MAML3: variants seen among roughly 807,000 people sequenced by gnomAD.
The protein encoded by MAML3 is mastermind-like protein 3.
MAML3 carries 27 observed loss-of-function variants against 101.9 expected under a neutral mutation model. That is an observed-to-expected ratio of 0.27 (90% CI 0.20 to 0.37). The LOEUF is 0.37. MAML3 is among the 10% of genes least tolerant of loss of function. MAML3 has a pLI of 1.00. For missense variants in MAML3, 1,316 were observed against 1,444.9 expected, an observed-to-expected ratio of 0.91 and a Z score of 1.45; for synonymous variants, 501 against 555.9, an observed-to-expected ratio of 0.90 and a Z score of 1.39.
intron 1 of MAML3, among the ~76,000 whole-genome samples, chr4:140,009,996 T>C (rs1330827060): frequency 1.3e-5 from 2 of 152,238 alleles, no homozygotes; most frequent in African/African-American, 4.8e-5. Flanking sequence ...GTTTTCAACT[T>C]AGACTGTGTG....
chr4:140,036,947 C>T lies in MAML3; in HGVS notation c.468+115913G>A, dbSNP rs570222472. 3.9e-5 allele frequency among the ~76,000 whole-genome samples: 6 copies of T among 152,162 alleles called. No individual in the cohort carries two copies. In the South Asian group the frequency reaches 1.2e-3, roughly 32 times the overall value. ...GGTCAGTGCTCTGTGCTCTTCAGTC[C>T]CACTTTCCAATACTGAAACTTGCTT... On this transcript the variant is annotated intron_variant, in intron 1 of 4. Coordinates refer to ENST00000509479, the MANE Select transcript of MAML3 (RefSeq NM_018717.5).
chr4:140,067,726 CTTTTTTTTTTT>C (rs34853196), intron 1 of MAML3, among the ~76,000 whole-genome samples: 1 of 131,390 alleles, frequency 7.6e-6, no homozygotes, highest in Non-Finnish European at 1.6e-5. Context: ...CAATCTTAAT[CTTTTTTTTTTT>C]TTTTTTTTTG....
intron 1 of MAML3, among the ~76,000 whole-genome samples, chr4:139,899,167 G>A (rs574977717): frequency 6.6e-6 from 1 of 152,128 alleles, no homozygotes; most frequent in East Asian, 1.9e-4. Context: ...TAATAATTCT[G>A]TTGGATTCTG....
At chr4:140,016,813 A>G (rs1343515264) in intron 1 of MAML3, among the ~76,000 whole-genome samples, 2 of 152,238 alleles carry the variant, frequency 1.3e-5, no homozygotes, top group African/African-American at 4.8e-5. Context: ...AAAGTATCTC[A>G]AAACGGATCA....
At chr4:140,074,570 A>T (rs957983725) in intron 1 of MAML3, among the ~76,000 whole-genome samples, 7 of 152,206 alleles carry the variant, frequency 4.6e-5, no homozygotes, top group Non-Finnish European at 1.0e-4. Flanking sequence ...AAATACAAGC[A>T]CACAACATGC....
chr4:139,757,633 G>T (rs1480514323), intron 2 of MAML3, among the ~76,000 whole-genome samples: 4 of 110,068 alleles, frequency 3.6e-5, no homozygotes, highest in African/African-American at 1.4e-4. Flanking sequence ...ACAGAGTGAG[G>T]CTCCATTTCA....
Position 139,931,653 on chromosome 4 carries a change from C to T in MAML3, c.469-40686G>A, listed in dbSNP as rs903838863. ...AAACTTCTGCCCCAGGCTCAACAAT[C>T]CTCCTGTGCAGTCTCCTTCCGTAAT... On this transcript the variant is annotated intron_variant, in intron 1 of 4. Transcript: ENST00000509479. 3.3e-5 allele frequency among the ~76,000 whole-genome samples: 5 copies of T among 152,068 alleles called. No homozygotes were observed. The East Asian group carries it at 9.6e-4, about 29-fold the overall frequency.
chr4:140,023,438 T>G (rs574927234), intron 1 of MAML3, among the ~76,000 whole-genome samples: 19 of 152,264 alleles, frequency 1.2e-4, no homozygotes, highest in African/African-American at 4.6e-4. Context: ...AGAAGCGACT[T>G]CCATCACCCA....
chr4:139,785,162 C>T lies in MAML3; in HGVS notation c.2080-54495G>A, dbSNP rs951438088. On this transcript the variant is annotated intron_variant, in intron 2 of 4. Transcript: ENST00000509479. The surrounding 1 kb of genome is among the most constrained non-coding windows in gnomAD (Gnocchi z 4.3). The stretch of plus-strand genomic sequence containing the variant: ...GGCCGATACCTGGATTCCTAACTGA[C>T]AGACACCCAGCCACATGGCTCCTGG... Among the ~76,000 whole-genome samples the T allele has an allele frequency of 6.6e-6, 1 of 152,236 alleles. No homozygotes were observed. Among genetic ancestry groups the T allele is most frequent in the Non-Finnish European group, 1.5e-5 (1 of 68,048 alleles).
chr4:139,987,327 C>A (rs926487412), intron 1 of MAML3, among the ~76,000 whole-genome samples: 2 of 152,164 alleles, frequency 1.3e-5, no homozygotes, highest in Non-Finnish European at 2.9e-5. Context: ...TGGGCAGAGG[C>A]CATGGTAAGG....
At chr4:139,892,809 T>TA (rs1345451153) in intron 1 of MAML3, among the ~76,000 whole-genome samples, 1 of 151,802 alleles carries the variant, frequency 6.6e-6, no homozygotes, top group Non-Finnish European at 1.5e-5. Flanking sequence ...CGGGCGCCTT[T>TA]AGTCCCAGCT....
chr4:139,828,506 T>C (rs772187562), intron 2 of MAML3, among the ~76,000 whole-genome samples: 1 of 152,198 alleles, frequency 6.6e-6, no homozygotes, highest in East Asian at 1.9e-4. Flanking sequence ...ACTAAAAGAC[T>C]AGGCATTGTC....
At chr4:139,745,533 C>T (rs1729292678) in intron 2 of MAML3, among the ~76,000 whole-genome samples, 1 of 152,108 alleles carries the variant, frequency 6.6e-6, no homozygotes, top group Admixed American at 6.5e-5. Context: ...CAGGCATATT[C>T]CTGCAAGAAT....
intron 2 of MAML3, among the ~76,000 whole-genome samples, chr4:139,879,037 A>G (rs1404142330): frequency 6.6e-6 from 1 of 152,142 alleles, no homozygotes; most frequent in Non-Finnish European, 1.5e-5. Flanking sequence ...AGAAGGGACC[A>G]CTGGAGGATA....
intron 1 of MAML3, among the ~76,000 whole-genome samples, chr4:140,104,395 T>TATATATTATATATAA (rs1491536300): frequency 3.2e-5 from 1 of 31,076 alleles, no homozygotes; most frequent in African/African-American, 7.8e-5. Flanking sequence ...ATATTATATA[T>TATATATTATATATAA]TATATAATAT....
intron 1 of MAML3, among the ~76,000 whole-genome samples, chr4:139,932,381 G>C (rs1023096229): frequency 6.6e-6 from 1 of 152,128 alleles, no homozygotes; most frequent in Non-Finnish European, 1.5e-5. Context: ...TCAAGATTAT[G>C]CAGTACCTCA....
At chr4:139,835,370 A>C (rs1275889046) in intron 2 of MAML3, among the ~76,000 whole-genome samples, 1 of 152,232 alleles carries the variant, frequency 6.6e-6, no homozygotes, top group Admixed American at 6.5e-5. Context: ...GACTAAAGAC[A>C]TGTGAGCTCA....
At chr4:139,915,572 C>T (rs868288743) in intron 1 of MAML3, among the ~76,000 whole-genome samples, 10 of 152,166 alleles carry the variant, frequency 6.6e-5, no homozygotes, top group African/African-American at 2.4e-4. Flanking sequence ...GTGTAGGCTA[C>T]GATTGAGATC....
intron 2 of MAML3, among the ~76,000 whole-genome samples, chr4:139,804,046 C>A (rs927353219): frequency 1.3e-5 from 2 of 152,158 alleles, no homozygotes; most frequent in Admixed American, 6.5e-5. Context: ...CAACTTCCTG[C>A]CTTGGCTCTG....
Sources: gnomAD v4.1 joint callset for allele counts (sites outside exome capture counted in the v4.1 genomes callset) on GRCh38, gnomAD v4.1.1 for gene constraint, Gnocchi (gnomAD v3.1) non-coding constraint, MANE v1.5 for transcripts, NCBI Gene and HGNC (gene_info 2026-07-23, HGNC 2026-07-21) for gene names.